CELSR3: variants seen among roughly 807,000 people sequenced by gnomAD.
The protein encoded by CELSR3 is EGF-like protein 1.
CELSR3 carries 73 observed loss-of-function variants against 270.0 expected under a neutral mutation model. That is an observed-to-expected ratio of 0.27 (90% confidence interval 0.22 to 0.33). The LOEUF (loss-of-function observed/expected upper bound fraction) is 0.33. Among genes scored for constraint, CELSR3 ranks in the 10% least tolerant of loss-of-function variants. The pLI is 1.00. For missense variants in CELSR3, 3,614 were observed against 4,533.8 expected, an observed-to-expected ratio of 0.80 and a Z score of 5.83; for synonymous variants, 1,780 against 1,905.4, an observed-to-expected ratio of 0.93 and a Z score of 1.71.
chr3:48,642,194 G>T lies in CELSR3; in HGVS notation c.8665+164C>A. ...CAGAGGGAAGGACGAATCAGGAGTG[G>T]ACTGGGAGAACCAGGGCTGGAGAGG... On this transcript the variant is annotated intron_variant, in intron 31 of 34. Transcript: ENST00000164024. This position sits in a 1 kb window ranked among gnomAD's most constrained non-coding sequence, Gnocchi z 6.1. 1 of 882,584 alleles carries T rather than the reference G, an allele frequency of 1.1e-6. No homozygotes were observed. Among genetic ancestry groups the T allele is most frequent in the Non-Finnish European group, 1.7e-6 (1 of 592,460 alleles). The allele number at this position is 882,584 out of a possible 1,614,324, so 54.7% of individuals were successfully genotyped here.
rs2046973926 is a variant in CELSR3 at position 48,636,836 on chromosome 3, T to C, written c.*1369A>G. 1.3e-5 allele frequency: 2 copies of C among 152,286 alleles called. No homozygotes were observed. Among genetic ancestry groups the C allele is most frequent in the East Asian group, 3.9e-4 (2 of 5,166 alleles). 9.4% of individuals were successfully genotyped at this position (152,286 alleles called of 1,614,324 possible). On this transcript the variant is annotated 3_prime_UTR_variant, in exon 35 of 35. Transcript: ENST00000164024. ...CCCCGTGGTTAGAGGACGCCTACTC[T>C]CAAGGTCTTCTGGATCTGCTGTTAA...
In CELSR3 at chr3:48,655,266, C is replaced by T. The variant is rs182089639; in HGVS notation, c.4830+40G>A. ...ACCCCTGAGGAGCAGAAGTCAGCAT[C>T]CCAACTCCCCTCATACCCGATGCCA... On this transcript the variant is annotated intron_variant, in intron 5 of 34. Coordinates refer to ENST00000164024, the MANE Select transcript of CELSR3 (RefSeq NM_001407.3). The surrounding 1 kb of genome is among the most constrained non-coding windows in gnomAD (Gnocchi z 5.8). 194 of 1,614,036 alleles carry T rather than the reference C, an allele frequency of 1.2e-4. No individual in the cohort carries two copies. In the East Asian group the frequency reaches 4.2e-3, roughly 35 times the overall value.
intron 18 of CELSR3, 89 bp downstream of exon 18, chr3:48,648,630 A>T (rs1229773986): frequency 6.8e-7 from 1 of 1,478,990 alleles, no homozygotes; most frequent in Non-Finnish European, 9.1e-7. Flanking sequence ...ACTTCCCAAG[A>T]GAACAGCAGG....
rs1368871738 is a variant in CELSR3, at chr3:48,659,295, G to A, written c.3340C>T (p.Leu1114=). The A allele has an allele frequency of 6.2e-7, 1 of 1,614,222 alleles. No individual in the cohort carries two copies. The highest frequency in any genetic ancestry group is 1.1e-5 in the South Asian group (1 of 91,076). The part of the protein sequence containing the change: ...YQIVEGNIPE[L]FQMDIFSGEL... ...CCAGAGAAGATGTCCATTTGGAACAGCTCAGGGATGTTCCCCTCCACGATC... is the reference window on the plus strand; with the variant it reads ...CCAGAGAAGATGTCCATTTGGAACAACTCAGGGATGTTCCCCTCCACGATC... The change falls in exon 1 of 35, where the codon CTG becomes TTG. Residue 1114 remains leucine (L), a synonymous_variant. Coordinates refer to ENST00000164024, the MANE Select transcript of CELSR3 (RefSeq NM_001407.3). This position sits in a 1 kb window ranked among gnomAD's most constrained non-coding sequence, Gnocchi z 8.1.
In CELSR3 at chr3:48,641,744, G is replaced by A; in HGVS notation, c.8824+107C>T. 2 of 1,173,358 alleles carry A rather than the reference G, an allele frequency of 1.7e-6. No homozygotes were observed. The highest frequency in any genetic ancestry group is 2.3e-6 in the Non-Finnish European group (2 of 859,560). 72.7% of individuals were successfully genotyped at this position (1,173,358 alleles called of 1,614,324 possible). ...AAGTTGGGGAACCTGATGACTGAGG[G>A]GTCAGAAAGACCAGGATGAACCCCA... On this transcript the variant is annotated intron_variant, in intron 32 of 34. Coordinates refer to ENST00000164024, the MANE Select transcript of CELSR3 (RefSeq NM_001407.3). The surrounding 1 kb of genome is among the most constrained non-coding windows in gnomAD (Gnocchi z 4.8).
Position 48,647,946 on chromosome 3 carries a change from G to A in CELSR3, c.7024C>T (p.Arg2342Cys), listed in dbSNP as rs201824346. ...EHPSSPRGARRYPRYHSNLFR... is the reference protein window; with the variant it reads ...EHPSSPRGARCYPRYHSNLFR... Reference sequence around the variant, plus strand: ...AGGTTGCTATGGTAGCGAGGGTAGCGACGGGCCCCCCGGGGAGAACTGGGG... The same window carrying A: ...AGGTTGCTATGGTAGCGAGGGTAGCAACGGGCCCCCCGGGGAGAACTGGGG... The change falls in exon 20 of 35, where the codon CGC (arginine) becomes TGC (cysteine). Residue 2342 changes from arginine (R) to cysteine (C), a missense_variant. Transcript: ENST00000164024. The A allele has an allele frequency of 1.4e-5, 22 of 1,612,040 alleles. No individual in the cohort carries two copies. In the East Asian group the frequency reaches 2.2e-4, roughly 16 times the overall value.
intron 20 of CELSR3, 56 bp downstream of exon 20, chr3:48,647,785 T>C (rs2047099813): frequency 6.4e-6 from 10 of 1,564,220 alleles, no homozygotes; most frequent in Non-Finnish European, 8.7e-6. Flanking sequence ...ACATAGTATC[T>C]GGTTGGGGGG....
rs539505765 is a variant in CELSR3 at position 48,641,446 on chromosome 3, C to G, written c.8903G>C (p.Trp2968Ser). The change falls in exon 33 of 35, where the codon TGG (tryptophan) becomes TCG (serine). Residue 2968 changes from tryptophan (W) to serine (S), a missense_variant. Around this residue, in one of 7 missense-constraint regions of CELSR3, gnomAD observed 1,240 missense variants for 1,351.7 expected, o/e 0.92. Coordinates refer to ENST00000164024, the MANE Select transcript of CELSR3 (RefSeq NM_001407.3). This position sits in a 1 kb window ranked among gnomAD's most constrained non-coding sequence, Gnocchi z 4.8. ...CAGCCCCAGGCGCCTTTCAGAGCCCCAAGTCTGCAGAGCACAGGGGGCTGC... is the reference window on the plus strand; with the variant it reads ...CAGCCCCAGGCGCCTTTCAGAGCCCGAAGTCTGCAGAGCACAGGGGGCTGC... ...CEAAPCALQT[W>S]GSERRLGLDT... 6 of 1,612,542 alleles carry G rather than the reference C, an allele frequency of 3.7e-6. No individual in the cohort carries two copies. In the East Asian group the frequency reaches 1.1e-4, roughly 30 times the overall value.
chr3:48,652,354 A>G lies in CELSR3; in HGVS notation c.5751+83T>C, dbSNP rs12107418. The stretch of plus-strand genomic sequence containing the variant: ...CCCTCGCACCAACCCCCACTTGAAT[A>G]CTGCCTTTCAGGTCCCAAGGAGCCC... On this transcript the variant is annotated intron_variant, in intron 11 of 34. Coordinates refer to ENST00000164024, the MANE Select transcript of CELSR3 (RefSeq NM_001407.3). The surrounding 1 kb of genome is among the most constrained non-coding windows in gnomAD (Gnocchi z 4.3). 0.13 allele frequency: 148,010 copies of G among 1,117,228 alleles called. 13,677 individuals carry two copies. The highest frequency in any genetic ancestry group is 0.44 in the African/African-American group (28,862 of 65,174). The allele number at this position is 1,117,228 out of a possible 1,614,324, so 69.2% of individuals were successfully genotyped here.
In CELSR3 at chr3:48,655,712, C is replaced by T. The variant is rs769163638; in HGVS notation, c.4741+24G>A. ...GTCCTCCAGCACACACGCACCCTTT[C>T]GCCGTCACATCCGGGGCACCCACCC... is the stretch of plus-strand genomic sequence containing the variant. On this transcript the variant is annotated intron_variant, in intron 4 of 34. Coordinates refer to ENST00000164024, the MANE Select transcript of CELSR3 (RefSeq NM_001407.3). This position sits in a 1 kb window ranked among gnomAD's most constrained non-coding sequence, Gnocchi z 5.8. 4 of 1,595,580 alleles carry T rather than the reference C, an allele frequency of 2.5e-6. No individual in the cohort carries two copies. The highest frequency in any genetic ancestry group is 2.2e-5 in the South Asian group (2 of 90,760).
Position 48,639,707 on chromosome 3 carries a change from G to A in CELSR3, c.9878C>T (p.Ser3293Phe), listed in dbSNP as rs2047004460. 1 of 1,613,688 alleles carries A rather than the reference G, an allele frequency of 6.2e-7. No individual in the cohort carries two copies. Among genetic ancestry groups the A allele is most frequent in the Admixed American group, 1.7e-5 (1 of 60,030 alleles). The change falls in exon 34 of 35, where the codon TCT becomes TTT. Residue 3293 changes from serine (S) to phenylalanine (F), a missense_variant. Around this residue, in one of 7 missense-constraint regions of CELSR3, gnomAD observed 1,240 missense variants for 1,351.7 expected, o/e 0.92. Transcript: ENST00000164024. The surrounding 1 kb of genome is among the most constrained non-coding windows in gnomAD (Gnocchi z 4.1). ...TGGCGACAGCTCCGAGATGCTGTGAGACGTGGCAGAACGTGGCGTGGAGGG... is the reference window on the plus strand; with the variant it reads ...TGGCGACAGCTCCGAGATGCTGTGAAACGTGGCAGAACGTGGCGTGGAGGG... Reference protein sequence around the residue: ...LGPSTPRSATSHSISELSPDS... With the variant: ...LGPSTPRSATFHSISELSPDS...
Position 48,644,375 on chromosome 3 carries a change from A to G in CELSR3, c.8086-80T>C. ...GAGAGGCAATGAGAGACAGAGAGAG[A>G]CTAAGATTCACGGAGAGAGGCAGAA... is the stretch of plus-strand genomic sequence containing the variant. On this transcript the variant is annotated intron_variant, in intron 26 of 34. Coordinates refer to ENST00000164024, the MANE Select transcript of CELSR3 (RefSeq NM_001407.3). The surrounding 1 kb of genome is among the most constrained non-coding windows in gnomAD (Gnocchi z 4.8). 1 of 1,336,718 alleles carries G rather than the reference A, an allele frequency of 7.5e-7. No homozygotes were observed. Among genetic ancestry groups the G allele is most frequent in the South Asian group, 1.2e-5 (1 of 83,744 alleles). 82.8% of individuals were successfully genotyped at this position (1,336,718 alleles called of 1,614,324 possible).
rs367800000 is a variant in CELSR3 at position 48,660,371 on chromosome 3, T to A, written c.2264A>T (p.Glu755Val). ...TVLDVNDNRP[E>V]FTMKEYHLRL... is the part of the protein sequence containing the mutation. ...TAGGTGGTACTCCTTCATTGTGAAC[T>A]CAGGCCGATTGTCATTAACGTCCAG... The change falls in exon 1 of 35, where the codon GAG becomes GTG. Residue 755 changes from glutamate to valine, a missense_variant. Glu to Val is a moderately radical substitution (Grantham distance 121). Transcript: ENST00000164024. This position sits in a 1 kb window ranked among gnomAD's most constrained non-coding sequence, Gnocchi z 5.5. 9.9e-6 allele frequency: 16 copies of A among 1,613,990 alleles called. No homozygotes were observed. Among genetic ancestry groups the A allele is most frequent in the African/African-American group, 1.3e-5 (1 of 74,900 alleles).
Position 48,641,393 on chromosome 3 carries a change from T to C in CELSR3, c.8956A>G (p.Asn2986Asp). Reference sequence around the variant, plus strand: ...CTGGTCAGGGCCGGGTCTGGCTGGTTGTTGTTAGCTGCATCCTTGCTGGTG... The same window carrying C: ...CTGGTCAGGGCCGGGTCTGGCTGGTCGTTGTTAGCTGCATCCTTGCTGGTG... ...LDTSKDAANN[N>D]QPDPALTSGD... Residue 2986 changes from asparagine to aspartate, a missense_variant, in exon 33 of 35, where the codon AAC (asparagine) becomes GAC (aspartate). Asn to Asp is a conservative substitution (Grantham distance 23). Coordinates refer to ENST00000164024, the MANE Select transcript of CELSR3 (RefSeq NM_001407.3). The surrounding 1 kb of genome is among the most constrained non-coding windows in gnomAD (Gnocchi z 4.8). The C allele has an allele frequency of 6.2e-7, 1 of 1,611,766 alleles. No individual in the cohort carries two copies. The highest frequency in any genetic ancestry group is 8.5e-7 in the Non-Finnish European group (1 of 1,179,010).
Position 48,642,343 on chromosome 3 carries a change from A to C in CELSR3, c.8665+15T>G. 6.2e-7 allele frequency: 1 copy of C among 1,609,534 alleles called. No homozygotes were observed. The highest frequency in any genetic ancestry group is 8.5e-7 in the Non-Finnish European group (1 of 1,177,782). On this transcript the variant is annotated intron_variant, in intron 31 of 34. Coordinates refer to ENST00000164024, the MANE Select transcript of CELSR3 (RefSeq NM_001407.3). The surrounding 1 kb of genome is among the most constrained non-coding windows in gnomAD (Gnocchi z 6.1). ...CCTCTGCCTCCCTCCTCCCTGCCCC[A>C]GGCCCCAACTCCACCAGCATCTCGA...
chr3:48,653,529 GC>G lies in CELSR3; in HGVS notation c.5448+89del. ...GTTGGGACACCTGGCAGAAAAGTAT[GC>G]TGTGTGACCAACCTGAACCCACAAG... On this transcript the variant is annotated intron_variant, in intron 9 of 34. Transcript: ENST00000164024. This position sits in a 1 kb window ranked among gnomAD's most constrained non-coding sequence, Gnocchi z 6.5. 1 of 1,478,756 alleles carries G rather than the reference GC, an allele frequency of 6.8e-7. No homozygotes were observed. The highest frequency in any genetic ancestry group is 9.3e-7 in the Non-Finnish European group (1 of 1,079,408). The allele number at this position is 1,478,756 out of a possible 1,614,324, so 91.6% of individuals were successfully genotyped here.
chr3:48,648,063 T>G, intron 19 of CELSR3, 67 bp from the exon 20 acceptor site: 1 of 1,574,392 alleles, frequency 6.4e-7, no homozygotes, highest in Non-Finnish European at 8.7e-7. Flanking sequence ...TTCTACTCCC[T>G]CTTACTCGCA....
Position 48,648,529 on chromosome 3 carries a change from T to G in CELSR3, c.6778-68A>C, listed in dbSNP as rs1575541856. 2.7e-6 allele frequency: 4 copies of G among 1,456,906 alleles called. No individual in the cohort carries two copies. The East Asian group carries it at 9.9e-5, about 36-fold the overall frequency. 90.2% of individuals were successfully genotyped at this position (1,456,906 alleles called of 1,614,324 possible). On this transcript the variant is annotated intron_variant, in intron 18 of 34. Coordinates refer to ENST00000164024, the MANE Select transcript of CELSR3 (RefSeq NM_001407.3). ...GATGTATGAGGGGATAGGGCAGGCA[T>G]GAGAGGTCTGGACAGGTGCTCAGAG... is the stretch of plus-strand genomic sequence containing the variant.
rs373120074 is a variant in CELSR3 at position 48,638,245 on chromosome 3, G to A, written c.9912-13C>T. ...ACTTCTGGGAACTCTGGAGGCACAT[G>A]AGGAAATCAGAGGTTGATGCCCAGA... is the stretch of plus-strand genomic sequence containing the variant. On this transcript the variant is annotated splice_polypyrimidine_tract_variant and intron_variant, in intron 34 of 34. Transcript: ENST00000164024. 191 of 1,609,512 alleles carry A rather than the reference G, an allele frequency of 1.2e-4. No individual in the cohort carries two copies. Among genetic ancestry groups the A allele is most frequent in the Non-Finnish European group, 1.6e-4 (186 of 1,176,290 alleles).
Sources: allele counts gnomAD v4.1 joint callset, GRCh38; gene constraint gnomAD v4.1.1; regional missense constraint gnomAD v4.1.1; non-coding constraint Gnocchi (gnomAD v3.1); transcripts MANE v1.5; gene names NCBI Gene and HGNC (gene_info 2026-07-23, HGNC 2026-07-21).